The following PRKAA1 variants were observed in gnomAD, a reference collection of about 807,000 sequenced individuals.
PRKAA1 encodes the protein protein kinase AMP-activated catalytic subunit alpha 1.
A neutral mutation model predicts 56.9 loss-of-function variants in PRKAA1; 23 were observed. The ratio of observed to expected loss-of-function variants is 0.40; its 90% CI spans 0.29 to 0.57. PRKAA1 has a LOEUF of 0.57. PRKAA1 is among the 20% of genes least tolerant of loss of function. The pLI is 0.39. For missense variants in PRKAA1, 413 were observed against 679.7 expected, an observed-to-expected ratio of 0.61 and a Z score of 4.36; for synonymous variants, 226 against 227.0, an observed-to-expected ratio of 1.00 and a Z score of 0.04.
At chr5:40,791,648 G>T (rs957221892) in intron 1 of PRKAA1, among the ~76,000 whole-genome samples, 4 of 152,256 alleles carry the variant, frequency 2.6e-5, no homozygotes, top group Middle Eastern at 3.4e-3. Flanking sequence ...CTTTAAAATT[G>T]AAAGAATAAA....
intron 3 of PRKAA1, among the ~76,000 whole-genome samples, chr5:40,773,917 C>A (rs376784599): frequency 1.4e-4 from 22 of 152,328 alleles, no homozygotes; most frequent in African/African-American, 5.1e-4. Context: ...GGGGCTAAGA[C>A]AAAGTCAACA....
rs902562069 is a variant in PRKAA1 at position 40,781,611 on chromosome 5, T to TA, written c.128-4026dup. Among the ~76,000 whole-genome samples, 87 of 152,052 alleles carry TA rather than the reference T, an allele frequency of 5.7e-4. 1 individual carries two copies. The highest frequency in any genetic ancestry group is 1.2e-3 in the Admixed American group (19 of 15,264). On this transcript the variant is annotated intron_variant, in intron 1 of 8. Transcript: ENST00000397128. ...AAGATGTAAGAAATTAAGCTTTAGG[T>TA]AAAAAAATTAAACAAATGAAAAAAA...
intron 1 of PRKAA1, among the ~76,000 whole-genome samples, chr5:40,788,752 G>A (rs1744598875): frequency 6.6e-6 from 1 of 151,824 alleles, no homozygotes; most frequent in Non-Finnish European, 1.5e-5. Context: ...GCTTGAACCC[G>A]GGAGGCGGAC....
At chr5:40,763,743 G>C (rs1197271125) in intron 8 of PRKAA1, among the ~76,000 whole-genome samples, 1 of 152,150 alleles carries the variant, frequency 6.6e-6, no homozygotes, top group Non-Finnish European at 1.5e-5. Context: ...ATTAGTATAT[G>C]TTAGCAGATA....
In PRKAA1 at chr5:40,764,496, T is replaced by G. The variant is rs199666397; in HGVS notation, c.1435+18A>C. ...AGTAACAAGGTCTAATCTATGTTGT[T>G]TTGTGTGATGTACATACCATCAATA... On this transcript the variant is annotated intron_variant, in intron 8 of 8. Coordinates refer to ENST00000397128, the MANE Select transcript of PRKAA1 (RefSeq NM_006251.6). 89 of 1,601,678 alleles carry G rather than the reference T, an allele frequency of 5.6e-5. No individual in the cohort carries two copies. The African/African-American group carries it at 1.2e-3, about 21-fold the overall frequency.
chr5:40,798,097 G>C lies in PRKAA1; in HGVS notation c.93C>G (p.Asp31Glu). Residue 31 changes from aspartate to glutamate, a missense_variant, in exon 1 of 9, where the codon GAC becomes GAG. Coordinates refer to ENST00000397128, the MANE Select transcript of PRKAA1 (RefSeq NM_006251.6). ...TGCCGAAGGTGCCGACCCCCAGCGT[G>C]TCACCCAGAATGTAGTGGCCGATCT... ...RVKIGHYILG[D>E]TLGVGTFGKV... The C allele has an allele frequency of 6.2e-7, 1 of 1,608,944 alleles. No homozygotes were observed. Among genetic ancestry groups the C allele is most frequent in the Non-Finnish European group, 8.5e-7 (1 of 1,177,148 alleles).
intron 1 of PRKAA1, among the ~76,000 whole-genome samples, chr5:40,784,531 CTT>C (rs1744391707): frequency 6.6e-6 from 1 of 152,158 alleles, no homozygotes; most frequent in Non-Finnish European, 1.5e-5. Flanking sequence ...TACAGGAACA[CTT>C]GTTTGGTCAC....
chr5:40,795,112 TA>T (rs1744870745), intron 1 of PRKAA1, among the ~76,000 whole-genome samples: 1 of 152,116 alleles, frequency 6.6e-6, no homozygotes, highest in Non-Finnish European at 1.5e-5. Context: ...TGGAGACTAT[TA>T]TTCTAAGTGA....
chr5:40,764,582 GAGTA>G lies in PRKAA1; in HGVS notation c.1363_1366del (p.Tyr455ProfsTer3). On this transcript the variant is annotated frameshift_variant, in exon 8 of 9. Coordinates refer to ENST00000397128, the MANE Select transcript of PRKAA1 (RefSeq NM_006251.6). LOFTEE classifies it high-confidence loss of function. ...TTGGTATAACTGTAGACTCATTTTG[GAGTA>G]AGTGCTTGTCACAGGATTCTTCCTT... is the stretch of plus-strand genomic sequence containing the variant. The G allele has an allele frequency of 1.2e-6, 2 of 1,613,544 alleles. No homozygotes were observed. The highest frequency in any genetic ancestry group is 1.7e-6 in the Non-Finnish European group (2 of 1,179,664).
At chr5:40,771,901 T>G (rs1394993548) in intron 3 of PRKAA1, 38 bp from the exon 4 acceptor site, 1 of 1,590,582 alleles carries the variant, frequency 6.3e-7, no homozygotes, top group African/African-American at 1.4e-5. Flanking sequence ...AGGTGTGTCT[T>G]TCAAAGTAAA....
chr5:40,796,616 T>C (rs1167902918), intron 1 of PRKAA1, among the ~76,000 whole-genome samples: 1 of 152,222 alleles, frequency 6.6e-6, no homozygotes, highest in Non-Finnish European at 1.5e-5. Flanking sequence ...ATTTGCTTCT[T>C]ACTTCCTCCT....
intron 1 of PRKAA1, among the ~76,000 whole-genome samples, chr5:40,781,540 G>C (rs933150585): frequency 5.9e-5 from 9 of 152,170 alleles, no homozygotes; most frequent in Non-Finnish European, 1.0e-4. Flanking sequence ...GAATGTGACA[G>C]AGAATCCAAG....
intron 3 of PRKAA1, among the ~76,000 whole-genome samples, chr5:40,773,655 C>CT (rs1743853786): frequency 6.6e-6 from 1 of 151,766 alleles, no homozygotes; most frequent in Admixed American, 6.6e-5. Context: ...AAACCTAAGC[C>CT]TATAGGGGTA....
At chr5:40,788,225 TA>T (rs1300665007) in intron 1 of PRKAA1, among the ~76,000 whole-genome samples, 8 of 152,212 alleles carry the variant, frequency 5.3e-5, no homozygotes, top group Non-Finnish European at 1.0e-4. Context: ...CATATATCTA[TA>T]ATCAATGGAT....
chr5:40,764,796 C>G lies in PRKAA1; in HGVS notation c.1264G>C (p.Ala422Pro). The G allele has an allele frequency of 6.2e-7, 1 of 1,613,850 alleles. No homozygotes were observed. Among genetic ancestry groups the G allele is most frequent in the Non-Finnish European group, 8.5e-7 (1 of 1,179,784 alleles). The change falls in exon 7 of 9, where the codon GCA (alanine) becomes CCA (proline). Residue 422 changes from alanine (A) to proline (P), a missense_variant. Ala to Pro is a conservative substitution (Grantham distance 27, BLOSUM62 -1). Around this residue, in one of 9 missense-constraint regions of PRKAA1, gnomAD observed 139 missense variants for 171.5 expected, o/e 0.81. Coordinates refer to ENST00000397128, the MANE Select transcript of PRKAA1 (RefSeq NM_006251.6). ...RSQSRPNDIMAEVCRAIKQLD... is the reference protein window; with the variant it reads ...RSQSRPNDIMPEVCRAIKQLD... ...TGTTTGATTGCTCTACATACTTCTGCCATAATATCATTTGGTCGACTTTGA... is the reference window on the plus strand; with the variant it reads ...TGTTTGATTGCTCTACATACTTCTGGCATAATATCATTTGGTCGACTTTGA...
At chr5:40,782,846 GCCC>G (rs1309529580) in intron 1 of PRKAA1, among the ~76,000 whole-genome samples, 1 of 152,016 alleles carries the variant, frequency 6.6e-6, no homozygotes, top group Admixed American at 6.6e-5. Flanking sequence ...AATAACAGAA[GCCC>G]CCCAACCACC....
At chr5:40,794,385 T>C (rs1326042342) in intron 1 of PRKAA1, among the ~76,000 whole-genome samples, 1 of 152,226 alleles carries the variant, frequency 6.6e-6, no homozygotes, top group Non-Finnish European at 1.5e-5. Flanking sequence ...GGATTCTGGA[T>C]ATTAGTACTT....
intron 1 of PRKAA1, among the ~76,000 whole-genome samples, chr5:40,792,789 A>G (rs1682881402): frequency 6.6e-6 from 1 of 152,100 alleles, no homozygotes; most frequent in Admixed American, 6.6e-5. Context: ...TAGGCCAAGC[A>G]TGGTGGCTCA....
At chr5:40,772,601 T>C (rs1009734036) in intron 3 of PRKAA1, among the ~76,000 whole-genome samples, 1 of 152,014 alleles carries the variant, frequency 6.6e-6, no homozygotes, top group Non-Finnish European at 1.5e-5. Flanking sequence ...TTTTCATTTT[T>C]GTTTTTTGTG....
Sources: allele counts gnomAD v4.1 joint callset (sites outside exome capture counted in the v4.1 genomes callset), GRCh38; gene constraint gnomAD v4.1.1; regional missense constraint gnomAD v4.1.1; transcripts MANE v1.5; gene names NCBI Gene and HGNC (gene_info 2026-07-23, HGNC 2026-07-21).